The following KCNMA1 variants were observed in gnomAD, a reference collection of about 807,000 sequenced individuals.
KCNMA1 encodes Calcium-activated potassium channel subunit alpha-1.
In KCNMA1, 29 loss-of-function variants were observed where a neutral mutation model predicts 140.0. The observed-to-expected ratio is 0.21, with a 90% CI of 0.15 to 0.28. The LOEUF (loss-of-function observed/expected upper bound fraction) is 0.28, where lower values mean the gene tolerates loss of function less well. Ranked by LOEUF, KCNMA1 falls within the 10% of genes least tolerant of loss-of-function variation. The pLI, the probability that KCNMA1 is intolerant of heterozygous loss-of-function variation, is 1.00. For missense variants in KCNMA1, 880 were observed against 1,602.2 expected, an observed-to-expected ratio of 0.55 and a Z score of 7.70; for synonymous variants, 612 against 611.9, an observed-to-expected ratio of 1.00 and a Z score of 0.00.
At chr10:77,353,070 A>G (rs902666485) in intron 2 of KCNMA1, among the ~76,000 whole-genome samples, 51 of 152,190 alleles carry the variant, frequency 3.4e-4, no homozygotes, top group Non-Finnish European at 1.3e-4. Context: ...CATGAAGCTT[A>G]AAGGAGATTA....
chr10:77,534,023 C>T (rs2058313834), intron 1 of KCNMA1, among the ~76,000 whole-genome samples: 1 of 152,134 alleles, frequency 6.6e-6, no homozygotes, highest in African/African-American at 2.4e-5. Flanking sequence ...CCAGCAGCCC[C>T]TGCCAAGGGC....
At chr10:77,075,252 A>G (rs543148825) in intron 13 of KCNMA1, among the ~76,000 whole-genome samples, 57 of 152,088 alleles carry the variant, frequency 3.7e-4, no homozygotes, top group Non-Finnish European at 6.8e-4. Flanking sequence ...TCCTCTCCCT[A>G]CTCTCCAGTG....
intron 1 of KCNMA1, among the ~76,000 whole-genome samples, chr10:77,429,726 T>C (rs575933699): frequency 2.6e-5 from 4 of 152,334 alleles, no homozygotes; most frequent in South Asian, 4.1e-4. Flanking sequence ...AAAACCCCTT[T>C]ATTCCTATAT....
intron 5 of KCNMA1, among the ~76,000 whole-genome samples, chr10:77,167,647 G>C (rs545700410): frequency 1.3e-5 from 2 of 151,754 alleles, no homozygotes; most frequent in South Asian, 4.2e-4. Flanking sequence ...TGCATCCAGG[G>C]AACAAAATTG....
At chr10:77,141,709 T>C (rs1167504338) in intron 5 of KCNMA1, among the ~76,000 whole-genome samples, 1 of 152,176 alleles carries the variant, frequency 6.6e-6, no homozygotes, top group Non-Finnish European at 1.5e-5. Context: ...AACAAAAATA[T>C]GACACAGACA....
At chr10:77,570,991 C>T (rs1050464106) in intron 1 of KCNMA1, among the ~76,000 whole-genome samples, 3 of 151,830 alleles carry the variant, frequency 2.0e-5, no homozygotes, top group East Asian at 1.9e-4. Context: ...TAATGTTGCT[C>T]ATAAAAATAA....
intron 2 of KCNMA1, among the ~76,000 whole-genome samples, chr10:77,386,851 C>A (rs1199807450): frequency 6.6e-6 from 1 of 152,086 alleles, no homozygotes; most frequent in Non-Finnish European, 1.5e-5. Context: ...GTAAGCACAG[C>A]CATTAAGATG....
chr10:76,987,923 G>A (rs886498092), intron 19 of KCNMA1, among the ~76,000 whole-genome samples: 1 of 152,160 alleles, frequency 6.6e-6, no homozygotes, highest in Non-Finnish European at 1.5e-5. Context: ...CTGTGCTTTA[G>A]AATACTAAAG....
At chr10:77,545,571 C>T (rs1178271665) in intron 1 of KCNMA1, among the ~76,000 whole-genome samples, 1 of 152,186 alleles carries the variant, frequency 6.6e-6, no homozygotes, top group East Asian at 1.9e-4. Flanking sequence ...TGTCCAGCAT[C>T]TCCTGTGCCA....
At chr10:76,989,734 C>A (rs1355915852) in intron 19 of KCNMA1, among the ~76,000 whole-genome samples, 1 of 152,040 alleles carries the variant, frequency 6.6e-6, no homozygotes, top group East Asian at 1.9e-4. Context: ...CAACTCTCAG[C>A]CACTATCTGT....
intron 1 of KCNMA1, among the ~76,000 whole-genome samples, chr10:77,494,559 G>A (rs1603629505): frequency 1.3e-5 from 2 of 152,208 alleles, no homozygotes; most frequent in African/African-American, 4.8e-5. Context: ...GCAGCCCAGA[G>A]AGCACCTTTC....
At chr10:77,034,199 A>C (rs1368373339) in intron 15 of KCNMA1, among the ~76,000 whole-genome samples, 1 of 150,086 alleles carries the variant, frequency 6.7e-6, no homozygotes, top group Non-Finnish European at 1.5e-5. Context: ...AGCTAAGATC[A>C]CACCACTGCA....
rs1317146662 is a variant in KCNMA1, at chr10:76,885,459, T to C, written c.*1807A>G. ...TGGAGGTTCTGACTGAGCCTCACCA[T>C]TTGTCAGTAAAAGTGCTTGTCAATT... On this transcript the variant is annotated 3_prime_UTR_variant, in exon 28 of 28. Transcript: ENST00000286628. 1 of 985,164 alleles carries C rather than the reference T, an allele frequency of 1.0e-6. No homozygotes were observed. Among genetic ancestry groups the C allele is most frequent in the Non-Finnish European group, 1.2e-6 (1 of 829,924 alleles). The allele number at this position is 985,164 out of a possible 1,614,324, so 61.0% of individuals were successfully genotyped here. A position where few individuals can be genotyped will look rare whatever the true frequency, so the allele number is the denominator to read the frequency against.
At chr10:77,126,735 C>CCCCCCCCCCCCCA (rs1554849516) in intron 5 of KCNMA1, among the ~76,000 whole-genome samples, 1 of 144,008 alleles carries the variant, frequency 6.9e-6, no homozygotes, top group South Asian at 2.3e-4. Context: ...ACCCCCCCCC[C>CCCCCCCCCCCCCA]ACCACCACAC....
intron 10 of KCNMA1, among the ~76,000 whole-genome samples, chr10:77,089,693 G>A (rs2096771433): frequency 1.3e-5 from 2 of 152,064 alleles, no homozygotes; most frequent in African/African-American, 4.8e-5. Flanking sequence ...CACTTCATAT[G>A]GATTAATTCA....
intron 2 of KCNMA1, among the ~76,000 whole-genome samples, chr10:77,290,713 A>C (rs1406516734): frequency 6.6e-6 from 1 of 152,198 alleles, no homozygotes; most frequent in African/African-American, 2.4e-5. Context: ...ACTTTCTGAC[A>C]ACCCTGATGG....
chr10:77,298,214 C>A (rs1208608777), intron 2 of KCNMA1, among the ~76,000 whole-genome samples: 1 of 152,124 alleles, frequency 6.6e-6, no homozygotes, highest in South Asian at 2.1e-4. Flanking sequence ...GCTACCTGAA[C>A]CTTCAGAAAT....
At chr10:77,273,787 C>T (rs964315631) in intron 2 of KCNMA1, among the ~76,000 whole-genome samples, 3 of 152,068 alleles carry the variant, frequency 2.0e-5, no homozygotes, top group Non-Finnish European at 4.4e-5. Flanking sequence ...ATTTATTCCA[C>T]GTGTATTTGT....
At chr10:77,302,767 A>G (rs1247477248) in intron 2 of KCNMA1, among the ~76,000 whole-genome samples, 1 of 152,144 alleles carries the variant, frequency 6.6e-6, no homozygotes, top group East Asian at 1.9e-4. Context: ...TGAGTATGCA[A>G]AAAAAGGCAA....
Sources: allele counts gnomAD v4.1 joint callset (sites outside exome capture counted in the v4.1 genomes callset), GRCh38; gene constraint gnomAD v4.1.1; transcripts MANE v1.5; gene names NCBI Gene and HGNC (gene_info 2026-07-23, HGNC 2026-07-21).